Variants in CTNNA3 observed in about 807,000 individuals in gnomAD.
CTNNA3 encodes the protein catenin alpha 3, also known as catenin alpha-3.
Under a neutral mutation model 95.7 loss-of-function variants are expected in CTNNA3, and 76 were observed. The ratio of observed to expected loss-of-function variants is 0.79; its 90% CI spans 0.66 to 0.96. CTNNA3 has a LOEUF of 0.96. Ranked by LOEUF, CTNNA3 falls within the 40% of genes least tolerant of loss-of-function variation. The pLI, the probability that CTNNA3 is intolerant of heterozygous loss-of-function variation, is 0.00. For synonymous variants in CTNNA3, 431 were observed against 374.4 expected, an observed-to-expected ratio of 1.15 and a Z score of -1.74; for missense variants, 1,191 against 1,089.8, an observed-to-expected ratio of 1.09 and a Z score of -1.31.
intron 7 of CTNNA3, among the ~76,000 whole-genome samples, chr10:66,966,485 A>AT (rs35922630): frequency 0.19 from 28,216 of 150,598 alleles, 3,349 homozygotes; most frequent in South Asian, 0.3. Flanking sequence ...TATGTAATAT[A>AT]TTTTTTTTTT....
intron 5 of CTNNA3, among the ~76,000 whole-genome samples, chr10:67,304,956 A>T (rs565787237): frequency 2.0e-5 from 3 of 152,020 alleles, no homozygotes; most frequent in Non-Finnish European, 4.4e-5. Context: ...GAAGCTATAT[A>T]TAAAAAGGTA....
intron 7 of CTNNA3, among the ~76,000 whole-genome samples, chr10:66,846,672 A>G (rs1843295366): frequency 6.6e-6 from 1 of 152,102 alleles, no homozygotes; most frequent in African/African-American, 2.4e-5. Flanking sequence ...TTTGTTTTCA[A>G]GTGTTAATAC....
chr10:67,709,064 C>T (rs1841093041), intron 1 of CTNNA3, among the ~76,000 whole-genome samples: 1 of 152,000 alleles, frequency 6.6e-6, no homozygotes, highest in Non-Finnish European at 1.5e-5. Flanking sequence ...AAAACAGTCA[C>T]TCTTCCCCTT....
chr10:66,377,144 C>T (rs761830215), intron 12 of CTNNA3, among the ~76,000 whole-genome samples: 9 of 151,978 alleles, frequency 5.9e-5, no homozygotes, highest in Non-Finnish European at 1.3e-4. Context: ...AAATGGAAAG[C>T]TTTTTCAAAG....
intron 5 of CTNNA3, 125 bp from the exon 6 acceptor site, chr10:67,219,995 G>T: frequency 1.4e-6 from 1 of 737,930 alleles, no homozygotes; most frequent in Non-Finnish European, 2.1e-6. Context: ...TCAGCTATAA[G>T]TTATAATCAA....
At chr10:67,172,730 T>C (rs1862070698) in intron 7 of CTNNA3, among the ~76,000 whole-genome samples, 1 of 152,102 alleles carries the variant, frequency 6.6e-6, no homozygotes, top group African/African-American at 2.4e-5. Context: ...TCCCAGCACT[T>C]TGGGAGGCCG....
At chr10:66,142,052 C>T (rs1044316599) in intron 13 of CTNNA3, among the ~76,000 whole-genome samples, 1 of 152,090 alleles carries the variant, frequency 6.6e-6, no homozygotes, top group Non-Finnish European at 1.5e-5. Context: ...TGGATCGTGG[C>T]TTTGGTGTTG....
chr10:66,608,139 C>A (rs1436278221), intron 10 of CTNNA3, among the ~76,000 whole-genome samples: 1 of 152,088 alleles, frequency 6.6e-6, no homozygotes, highest in Non-Finnish European at 1.5e-5. Context: ...CACTACCATT[C>A]CCATACATCA....
intron 5 of CTNNA3, among the ~76,000 whole-genome samples, chr10:67,366,268 T>C (rs1320097599): frequency 6.6e-6 from 1 of 151,942 alleles, no homozygotes; most frequent in Admixed American, 6.6e-5. Context: ...AATGACAAGT[T>C]GATGGGTGCA....
At chr10:66,967,873 G>A (rs1266153332) in intron 7 of CTNNA3, among the ~76,000 whole-genome samples, 1 of 152,046 alleles carries the variant, frequency 6.6e-6, no homozygotes, top group African/African-American at 2.4e-5. Flanking sequence ...TAGGTTCTTA[G>A]AAGGGAGGAA....
intron 5 of CTNNA3, among the ~76,000 whole-genome samples, chr10:67,490,857 A>C (rs1365047868): frequency 6.6e-6 from 1 of 152,134 alleles, no homozygotes; most frequent in Non-Finnish European, 1.5e-5. Context: ...ACATAAGAAG[A>C]AATAAGAAAG....
At chr10:67,007,623 C>A (rs1163545714) in intron 7 of CTNNA3, among the ~76,000 whole-genome samples, 1 of 151,910 alleles carries the variant, frequency 6.6e-6, no homozygotes. Flanking sequence ...TTTTCTGAAA[C>A]CCTTGCCAGT....
At chr10:67,620,264 C>T (rs1006637502) in intron 2 of CTNNA3, among the ~76,000 whole-genome samples, 1 of 152,136 alleles carries the variant, frequency 6.6e-6, no homozygotes, top group African/African-American at 2.4e-5. Context: ...CACAGAGGTG[C>T]CCACAAGATG....
chr10:67,682,106 C>A (rs187363811), intron 1 of CTNNA3, among the ~76,000 whole-genome samples: 52 of 148,540 alleles, frequency 3.5e-4, no homozygotes, highest in African/African-American at 1.3e-3. Flanking sequence ...TGCAGTGAGC[C>A]GAGATTGCGC....
chr10:67,667,089 T>C (rs1451207964), intron 1 of CTNNA3, among the ~76,000 whole-genome samples: 1 of 152,192 alleles, frequency 6.6e-6, no homozygotes, highest in Non-Finnish European at 1.5e-5. Flanking sequence ...TATATGACAT[T>C]TGTAACCTCT....
chr10:66,465,095 C>T (rs1838856882), intron 11 of CTNNA3, among the ~76,000 whole-genome samples: 1 of 152,094 alleles, frequency 6.6e-6, no homozygotes, highest in African/African-American at 2.4e-5. Context: ...GATTTTAAAG[C>T]TACAGCTATA....
At chr10:67,559,237 C>A (rs982415591) in intron 3 of CTNNA3, among the ~76,000 whole-genome samples, 1 of 152,198 alleles carries the variant, frequency 6.6e-6, no homozygotes, top group Admixed American at 6.5e-5. Flanking sequence ...GGGAGGCAAC[C>A]CCCAGTAGGG....
At chr10:67,000,510 C>A (rs1046222450) in intron 7 of CTNNA3, among the ~76,000 whole-genome samples, 6 of 152,144 alleles carry the variant, frequency 3.9e-5, no homozygotes, top group African/African-American at 1.4e-4. Flanking sequence ...GGGCTTAAGG[C>A]CAGTTCAGTA....
intron 17 of CTNNA3, among the ~76,000 whole-genome samples, chr10:65,965,810 T>TTATA (rs1352568167): frequency 6.6e-6 from 1 of 152,102 alleles, no homozygotes; most frequent in African/African-American, 2.4e-5. Context: ...GCCCTATATG[T>TTATA]TACAGACATA....
Sources: gnomAD v4.1 joint callset for allele counts (sites outside exome capture counted in the v4.1 genomes callset) on GRCh38, gnomAD v4.1.1 for gene constraint, MANE v1.5 for transcripts, NCBI Gene and HGNC (gene_info 2026-07-23, HGNC 2026-07-21) for gene names.